Variants in ATP2C2 observed in about 807,000 individuals in gnomAD.
ATP2C2 encodes the protein ATPase secretory pathway Ca2+ transporting 2.
Under a neutral mutation model 110.8 loss-of-function variants are expected in ATP2C2, and 171 were observed. The observed-to-expected ratio is 1.54, with a 90% CI of 1.36 to 1.75. The LOEUF (loss-of-function observed/expected upper bound fraction) is 1.75, where lower values mean the gene tolerates loss of function less well. Ranked by LOEUF, ATP2C2 falls within the 40% of genes most tolerant of loss-of-function variation. The pLI is 0.00. For synonymous variants in ATP2C2, 804 were observed against 508.4 expected (o/e 1.58, Z -7.82); for missense variants, 1,963 against 1,235.0 (o/e 1.59, Z -8.84).
rs1911657449 is a variant in ATP2C2, at chr16:84,463,885, T to A, written c.*153T>A. 6 of 696,414 alleles carry A rather than the reference T, an allele frequency of 8.6e-6. No homozygotes were observed. The highest frequency in any genetic ancestry group is 1.5e-5 in the Non-Finnish European group (6 of 409,456). 43.1% of individuals were successfully genotyped at this position (696,414 alleles called of 1,614,324 possible). ...TCTTAGGAAAGCTGCAGGAACCTCG[T>A]GGGCTCCAGGGACCCAGGCCCACAT... On this transcript the variant is annotated 3_prime_UTR_variant, in exon 27 of 27. Transcript: ENST00000262429.
At position 84,462,098 on chromosome 16, in the gene ATP2C2, G is replaced by C. The variant is rs62640935; in HGVS notation, c.2691G>C (p.Arg897Ser). The C allele has an allele frequency of 2.7e-3, 4,352 of 1,613,928 alleles. 109 individuals carry two copies. In the African/African-American group the frequency reaches 0.051, roughly 19 times the overall value. Residue 897 changes from arginine to serine, a missense_variant, in exon 26 of 27, where the codon AGG becomes AGC. Coordinates refer to ENST00000262429, the MANE Select transcript of ATP2C2 (RefSeq NM_014861.4). ...LAVIYIPPLQ[R>S]VFQTENLGAL... ...TCATTTACATCCCCCCGCTGCAGAGGGTCTTCCAGACGGAGAACCTGGGAG... is the reference window on the plus strand; with the variant it reads ...TCATTTACATCCCCCCGCTGCAGAGCGTCTTCCAGACGGAGAACCTGGGAG...
chr16:84,446,273 T>C (rs1324188122), intron 15 of ATP2C2, 56 bp from the exon 16 acceptor site: 1 of 1,035,764 alleles, frequency 9.7e-7, no homozygotes, highest in African/African-American at 1.7e-5. Context: ...GACTGAGCTT[T>C]GTATAGAGAT....
rs184636937 is a variant in ATP2C2, at chr16:84,401,285, G to C, written c.210+2676G>C. On this transcript the variant is annotated intron_variant, in intron 2 of 26. Transcript: ENST00000262429. Reference sequence around the variant, plus strand: ...GTTGCCCAGGCTGGAGTGCGGTGGCGCTATCTCAGCTCACTGCAACCTCTG... The same window carrying C: ...GTTGCCCAGGCTGGAGTGCGGTGGCCCTATCTCAGCTCACTGCAACCTCTG... Among the ~76,000 whole-genome samples, 3 of 148,426 alleles carry C rather than the reference G, an allele frequency of 2.0e-5. No individual in the cohort carries two copies. In the East Asian group the frequency reaches 5.9e-4, roughly 29 times the overall value.
At chr16:84,443,314 G>T (rs916230994) in intron 15 of ATP2C2, among the ~76,000 whole-genome samples, 3 of 152,178 alleles carry the variant, frequency 2.0e-5, no homozygotes, top group East Asian at 1.9e-4. Flanking sequence ...TGGCCACTTG[G>T]CCTGGGTCCC....
intron 1 of ATP2C2, among the ~76,000 whole-genome samples, chr16:84,385,522 T>G (rs1222580594): frequency 6.6e-6 from 1 of 152,196 alleles, no homozygotes; most frequent in African/African-American, 2.4e-5. Context: ...CCCTGTTAAC[T>G]TGGTCGTTTA....
At chr16:84,389,255 C>G (rs1038568025) in intron 1 of ATP2C2, among the ~76,000 whole-genome samples, 1 of 152,208 alleles carries the variant, frequency 6.6e-6, no homozygotes, top group African/African-American at 2.4e-5. Context: ...CAGAAGGCCC[C>G]TCATTCCAGT....
rs1190007487 is a variant in ATP2C2, at chr16:84,459,128, T to G, written c.2156T>G (p.Val719Gly). 6.2e-7 allele frequency: 1 copy of G among 1,613,966 alleles called. No individual in the cohort carries two copies. The highest frequency in any genetic ancestry group is 8.5e-7 in the Non-Finnish European group (1 of 1,180,024). ...DDDFSAIMNA[V>G]EEGKGIFYNI... ...GCTCTCTTCTCTTGCAGGAATGCAG[T>G]GGAGGAAGGCAAGGGTATTTTTTAC... is the stretch of plus-strand genomic sequence containing the variant. Residue 719 changes from valine to glycine, a missense_variant, in exon 22 of 27, where the codon GTG (valine) becomes GGG (glycine). Transcript: ENST00000262429.
chr16:84,459,136 G>T lies in ATP2C2; in HGVS notation c.2164G>T (p.Gly722Cys), dbSNP rs1202848944. 1 of 1,614,144 alleles carries T rather than the reference G, an allele frequency of 6.2e-7. No individual in the cohort carries two copies. Among genetic ancestry groups the T allele is most frequent in the Non-Finnish European group, 8.5e-7 (1 of 1,180,018 alleles). Residue 722 changes from glycine (G) to cysteine (C), a missense_variant, in exon 22 of 27, where the codon GGC (glycine) becomes TGC (cysteine). Transcript: ENST00000262429. ...CTCTTGCAGGAATGCAGTGGAGGAA[G>T]GCAAGGGTATTTTTTACAACATCAA... Reference protein sequence around the residue: ...FSAIMNAVEEGKGIFYNIKNF... With the variant: ...FSAIMNAVEECKGIFYNIKNF...
Position 84,384,466 on chromosome 16 carries a change from C to T in ATP2C2, c.100-14033C>T, listed in dbSNP as rs151121560. ...CTCCTTAGTACATGGTATTGGGAGG[C>T]CCACCCAGCTGTTTGTCTCGTTACT... is the stretch of plus-strand genomic sequence containing the variant. On this transcript the variant is annotated intron_variant, in intron 1 of 26. Coordinates refer to ENST00000262429, the MANE Select transcript of ATP2C2 (RefSeq NM_014861.4). 1.8e-3 allele frequency among the ~76,000 whole-genome samples: 276 copies of T among 152,272 alleles called. 1 individual carries two copies. Among genetic ancestry groups the T allele is most frequent in the African/African-American group, 6.5e-3 (269 of 41,532 alleles).
At chr16:84,398,647 AG>A (rs1191172928) in intron 2 of ATP2C2, 38 bp downstream of exon 2, 9 of 1,510,944 alleles carry the variant, frequency 6.0e-6, no homozygotes, top group African/African-American at 1.4e-5. Context: ...AATTGTGATA[AG>A]GTTTTATGTT....
chr16:84,398,725 C>T (rs1905139992), intron 2 of ATP2C2, 116 bp downstream of exon 2: 2 of 812,968 alleles, frequency 2.5e-6, no homozygotes, highest in Non-Finnish European at 3.7e-6. Flanking sequence ...ATTTTATCAT[C>T]AAGGTTGGAA....
chr16:84,391,520 A>G (rs1038939643), intron 1 of ATP2C2, among the ~76,000 whole-genome samples: 1 of 152,228 alleles, frequency 6.6e-6, no homozygotes, highest in African/African-American at 2.4e-5. Context: ...GCCCTAACCC[A>G]ATGACTGGGG....
At chr16:84,444,041 C>G (rs1273198101) in intron 15 of ATP2C2, among the ~76,000 whole-genome samples, 4 of 151,480 alleles carry the variant, frequency 2.6e-5, no homozygotes, top group Non-Finnish European at 5.9e-5. Flanking sequence ...GTGGTGCATG[C>G]CTGTGGTCCC....
chr16:84,450,059 G>A (rs570238693), intron 17 of ATP2C2, among the ~76,000 whole-genome samples: 3 of 152,264 alleles, frequency 2.0e-5, no homozygotes, highest in African/African-American at 7.2e-5. Flanking sequence ...GCGTAATGAC[G>A]CGTTCCAGGG....
At chr16:84,388,644 C>T (rs4558404) in intron 1 of ATP2C2, among the ~76,000 whole-genome samples, 73,360 of 152,068 alleles carry the variant, frequency 0.48, 17,804 homozygotes, top group South Asian at 0.57. Context: ...CAATGTCACC[C>T]TTGTCAGGAA....
chr16:84,450,080 G>C (rs1425804371), intron 17 of ATP2C2, among the ~76,000 whole-genome samples: 2 of 152,264 alleles, frequency 1.3e-5, no homozygotes, highest in Non-Finnish European at 2.9e-5. Flanking sequence ...ACTTGCTCCA[G>C]GCCTTGCGGG....
At chr16:84,462,161 C>G in intron 26 of ATP2C2, 32 bp downstream of exon 26, 2 of 1,598,094 alleles carry the variant, frequency 1.3e-6, no homozygotes, top group Non-Finnish European at 1.7e-6. Flanking sequence ...GACAGGTGAC[C>G]TCGACCAGGG....
In ATP2C2 at chr16:84,463,621, GT is replaced by G; in HGVS notation, c.2735del (p.Leu912Ter). 1 of 1,613,900 alleles carries G rather than the reference GT, an allele frequency of 6.2e-7. No homozygotes were observed. The highest frequency in any genetic ancestry group is 8.5e-7 in the Non-Finnish European group (1 of 1,179,756). On this transcript the variant is annotated frameshift_variant, in exon 27 of 27. Transcript: ENST00000262429. LOFTEE classifies it low-confidence loss of function (END_TRUNC). ...TENLGALDLL[F>X]LTGLASSVFI... is the part of the protein sequence containing the mutation. ...TGTTTTCTCCCTTGGCAGATTTGCT[GT>G]TTTTAACTGGATTGGCCTCATCCGT... is the stretch of plus-strand genomic sequence containing the variant.
In ATP2C2 at chr16:84,411,937, T is replaced by C. The variant is rs193089762; in HGVS notation, c.515+1172T>C. ...TCCTTTTTCTTTTCTTTCTTTCCTT[T>C]CTTTTCTTTTCTTTCTTTTCTTTCT... On this transcript the variant is annotated intron_variant, in intron 6 of 26. Coordinates refer to ENST00000262429, the MANE Select transcript of ATP2C2 (RefSeq NM_014861.4). 3.9e-5 allele frequency among the ~76,000 whole-genome samples: 6 copies of C among 151,908 alleles called. No homozygotes were observed. In the East Asian group the frequency reaches 5.8e-4, roughly 15 times the overall value.
Sources: gnomAD v4.1 joint callset for allele counts (sites outside exome capture counted in the v4.1 genomes callset) on GRCh38, gnomAD v4.1.1 for gene constraint, MANE v1.5 for transcripts, NCBI Gene and HGNC (gene_info 2026-07-23, HGNC 2026-07-21) for gene names.